The following HERPUD2 variants were observed in gnomAD, a reference collection of about 807,000 sequenced individuals.
The protein encoded by HERPUD2 is HERPUD family member 2.
HERPUD2 carries 13 observed loss-of-function variants against 49.9 expected under a neutral mutation model. That is an observed-to-expected ratio of 0.26 (90% confidence interval 0.17 to 0.41). The LOEUF is 0.41. Among genes scored for constraint, HERPUD2 ranks in the 10% least tolerant of loss-of-function variants. The probability of loss-of-function intolerance (pLI) is 1.00; values close to 1 mark genes in which losing one functional copy is unlikely to be tolerated. For missense variants in HERPUD2, 449 were observed against 492.2 expected, an observed-to-expected ratio of 0.91 and a Z score of 0.83; for synonymous variants, 172 against 171.4, an observed-to-expected ratio of 1.00 and a Z score of -0.03.
intron 2 of HERPUD2, among the ~76,000 whole-genome samples, chr7:35,676,381 G>A (rs1379173646): frequency 6.6e-6 from 1 of 152,158 alleles, no homozygotes; most frequent in Non-Finnish European, 1.5e-5. Context: ...TTGACAAGGG[G>A]AACCTCAAAT....
At position 35,673,221 on chromosome 7, in the gene HERPUD2, G is replaced by T; in HGVS notation, c.205C>A (p.Leu69Met). ...SGRLLPDHLQ[L>M]KDILRKQDEY... The stretch of plus-strand genomic sequence containing the variant: ...CTTACTTTTCTGAGAATGTCTTTCA[G>T]CTGCAGATGATCGGGAAGCAGTCTG... Residue 69 changes from leucine (L) to methionine (M), a missense_variant, in exon 3 of 9, where the codon CTG becomes ATG. Transcript: ENST00000311350. 1 of 1,611,774 alleles carries T rather than the reference G, an allele frequency of 6.2e-7. No homozygotes were observed. The highest frequency in any genetic ancestry group is 1.1e-5 in the South Asian group (1 of 90,888).
rs190518884 is a variant in HERPUD2, at chr7:35,693,931, C to T, written c.147+253G>A. ...GATTACAGGTGTGAGCCACCGCGCC[C>T]GGTCTTTGCCTGCCAATTCTTAAGT... On this transcript the variant is annotated intron_variant, in intron 2 of 8. Coordinates refer to ENST00000311350, the MANE Select transcript of HERPUD2 (RefSeq NM_022373.5). Among the ~76,000 whole-genome samples the T allele has an allele frequency of 2.9e-3, 436 of 152,144 alleles. 2 individuals are homozygous for T. The highest frequency in any genetic ancestry group is 0.01 in the African/African-American group (424 of 41,500).
intron 2 of HERPUD2, among the ~76,000 whole-genome samples, chr7:35,686,808 T>TGGGGGGG (rs1215387825): frequency 2.3e-4 from 1 of 4,300 alleles, no homozygotes; most frequent in Non-Finnish European, 3.8e-4. Flanking sequence ...TTTGGGAGGC[T>TGGGGGGG]GGGGGGGGGG....
intron 2 of HERPUD2, among the ~76,000 whole-genome samples, chr7:35,679,735 C>T (rs1293707543): frequency 6.6e-6 from 1 of 152,186 alleles, no homozygotes; most frequent in Non-Finnish European, 1.5e-5. Flanking sequence ...GATTCATATA[C>T]CCAACTGCTA....
At chr7:35,678,593 G>A (rs552004107) in intron 2 of HERPUD2, among the ~76,000 whole-genome samples, 25 of 152,230 alleles carry the variant, frequency 1.6e-4, no homozygotes, top group African/African-American at 5.8e-4. Flanking sequence ...GAGCCACCAC[G>A]CCCAGCCTAA....
In HERPUD2 at chr7:35,673,204, T is replaced by A; in HGVS notation, c.222A>T (p.Arg74Ser). 2 of 1,610,720 alleles carry A rather than the reference T, an allele frequency of 1.2e-6. No homozygotes were observed. The highest frequency in any genetic ancestry group is 1.7e-6 in the Non-Finnish European group (2 of 1,177,960). Residue 74 changes from arginine to serine, a missense_variant, in exon 3 of 9, where the codon AGA becomes AGT. Physicochemically the swap from Arg to Ser is moderately radical, Grantham distance 110. Coordinates refer to ENST00000311350, the MANE Select transcript of HERPUD2 (RefSeq NM_022373.5). ...PDHLQLKDIL[R>S]KQDEYHMVHL... ...AAATAGTGGTAGAAAAGCTTACTTT[T>A]CTGAGAATGTCTTTCAGCTGCAGAT... is the stretch of plus-strand genomic sequence containing the variant.
At chr7:35,637,637 A>G (rs1784892747) in intron 6 of HERPUD2, among the ~76,000 whole-genome samples, 1 of 152,198 alleles carries the variant, frequency 6.6e-6, no homozygotes, top group African/African-American at 2.4e-5. Flanking sequence ...AAGACCACGC[A>G]AAAAAGAAAT....
At position 35,694,186 on chromosome 7, in the gene HERPUD2, G is replaced by A. The variant is rs1786262349; in HGVS notation, c.145C>T (p.Pro49Ser). Reference protein sequence around the residue: ...THLSNVYPSKPLTKDQRLVYS... With the variant: ...THLSNVYPSKSLTKDQRLVYS... ...GCCCCCAGCTTTTACACACTTACTG[G>A]TTTGCTAGGGTAAACGTTAGATAGA... Residue 49 changes from proline to serine, a missense_variant and splice_region_variant, in exon 2 of 9, where the codon CCA becomes TCA. By Grantham distance (74) the Pro-to-Ser change is moderately conservative. Coordinates refer to ENST00000311350, the MANE Select transcript of HERPUD2 (RefSeq NM_022373.5). 2.5e-6 allele frequency: 4 copies of A among 1,614,114 alleles called. No individual in the cohort carries two copies. Among genetic ancestry groups the A allele is most frequent in the Non-Finnish European group, 3.4e-6 (4 of 1,180,018 alleles).
chr7:35,645,275 T>C (rs761868645), intron 5 of HERPUD2, among the ~76,000 whole-genome samples: 1 of 152,194 alleles, frequency 6.6e-6, no homozygotes, highest in Non-Finnish European at 1.5e-5. Context: ...GTAATCTGTA[T>C]AATAGAATGC....
At chr7:35,639,295 G>A (rs1383248217) in intron 5 of HERPUD2, among the ~76,000 whole-genome samples, 1 of 152,018 alleles carries the variant, frequency 6.6e-6, no homozygotes, top group Non-Finnish European at 1.5e-5. Context: ...TGGACTCCCA[G>A]AGTGGCAGGA....
At chr7:35,640,181 T>A (rs913925453) in intron 5 of HERPUD2, among the ~76,000 whole-genome samples, 1 of 152,242 alleles carries the variant, frequency 6.6e-6, no homozygotes, top group African/African-American at 2.4e-5. Context: ...AGCTGATGCA[T>A]CTCTGAGCAA....
intron 5 of HERPUD2, among the ~76,000 whole-genome samples, chr7:35,645,049 T>C (rs1402442263): frequency 6.6e-6 from 1 of 152,062 alleles, no homozygotes. Flanking sequence ...AGCCCAAGGA[T>C]AAAAAAGGAA....
chr7:35,670,581 G>T (rs528943463), intron 3 of HERPUD2, among the ~76,000 whole-genome samples: 1 of 152,026 alleles, frequency 6.6e-6, no homozygotes, highest in South Asian at 2.1e-4. Context: ...TTTTGCATAC[G>T]AAGCAGTCTT....
At chr7:35,651,058 G>A (rs2115879029) in intron 5 of HERPUD2, among the ~76,000 whole-genome samples, 1 of 152,294 alleles carries the variant, frequency 6.6e-6, no homozygotes, top group East Asian at 1.9e-4. Context: ...ACACCCATGT[G>A]CATGCACTAC....
At chr7:35,653,265 A>G (rs1241193154) in intron 5 of HERPUD2, among the ~76,000 whole-genome samples, 1 of 152,236 alleles carries the variant, frequency 6.6e-6, no homozygotes, top group East Asian at 1.9e-4. Context: ...TCAAAAGCAA[A>G]CAAGAACATC....
rs530817541 is a variant in HERPUD2 at position 35,685,988 on chromosome 7, A to C, written c.147+8196T>G. ...AATAAATAAATAAATAAATAAATAA[A>C]TAACTTAAATATCAGGAAAATCATG... On this transcript the variant is annotated intron_variant, in intron 2 of 8. Transcript: ENST00000311350. Among the ~76,000 whole-genome samples, 8 of 150,012 alleles carry C rather than the reference A, an allele frequency of 5.3e-5. No individual in the cohort carries two copies. In the South Asian group the frequency reaches 6.5e-4, roughly 12 times the overall value.
Position 35,635,449 on chromosome 7 carries a change from T to A in HERPUD2, c.627A>T (p.Ala209=), listed in dbSNP as rs1326679340. Residue 209 remains alanine, a synonymous_variant, in exon 7 of 9, where the codon GCA becomes GCT. Transcript: ENST00000311350. ...CATTTGATGTGGCCTGAGCTGAAAC[T>A]GCAGCTTGACTGAAATAGTCACCAA... ...AHQYYMQYQA[A]VSAQATSNVN... is the part of the protein sequence containing the mutation. The A allele has an allele frequency of 1.2e-6, 2 of 1,609,888 alleles. No individual in the cohort carries two copies. Among genetic ancestry groups the A allele is most frequent in the Admixed American group, 3.3e-5 (2 of 59,844 alleles).
chr7:35,678,828 TC>T (rs1299188993), intron 2 of HERPUD2, among the ~76,000 whole-genome samples: 1 of 152,232 alleles, frequency 6.6e-6, no homozygotes, highest in African/African-American at 2.4e-5. Context: ...ATCTCCATTT[TC>T]CTATTAAACT....
intron 5 of HERPUD2, among the ~76,000 whole-genome samples, chr7:35,661,272 G>C (rs1296769151): frequency 6.6e-6 from 1 of 152,128 alleles, no homozygotes; most frequent in Admixed American, 6.5e-5. Flanking sequence ...TGCTGTTTTG[G>C]TTACTGTAGC....
Sources: gnomAD v4.1 joint callset for allele counts (sites outside exome capture counted in the v4.1 genomes callset) on GRCh38, gnomAD v4.1.1 for gene constraint, MANE v1.5 for transcripts, NCBI Gene and HGNC (gene_info 2026-07-23, HGNC 2026-07-21) for gene names.